Variants in IL1RAPL2 observed in about 807,000 individuals in gnomAD.
IL1RAPL2 encodes the protein X-linked interleukin-1 receptor accessory protein-like 2.
Under a neutral mutation model 44.1 loss-of-function variants are expected in IL1RAPL2, and 3 were observed. That is an observed-to-expected ratio of 0.07 (90% CI 0.03 to 0.18). The LOEUF (loss-of-function observed/expected upper bound fraction) is 0.18. Ranked by LOEUF, IL1RAPL2 falls within the 10% of genes least tolerant of loss-of-function variation. The pLI is 1.00. For missense variants in IL1RAPL2, 391 were observed against 496.4 expected (o/e 0.79, Z 2.02); for synonymous variants, 181 against 178.8 (o/e 1.01, Z -0.10).
intron 2 of IL1RAPL2, among the ~76,000 whole-genome samples, chrX:104,774,647 C>T (rs1325574471): frequency 8.9e-6 from 1 of 112,022 alleles, no homozygotes; most frequent in Non-Finnish European, 1.9e-5. Flanking sequence ...GATCTCTATC[C>T]TCAAGGAGGG....
At position 105,363,562 on chromosome X, in the gene IL1RAPL2, A is replaced by G. The variant is rs2035270393; in HGVS notation, c.697+96021A>G. ...GCTGTAATAATTTACATTCCCACCAACAGTATAAAAGGGTTCTTTTTTCTC... is the reference window on the plus strand; with the variant it reads ...GCTGTAATAATTTACATTCCCACCAGCAGTATAAAAGGGTTCTTTTTTCTC... On this transcript the variant is annotated intron_variant, in intron 5 of 10. Coordinates refer to ENST00000372582, the MANE Select transcript of IL1RAPL2 (RefSeq NM_017416.2). Among the ~76,000 whole-genome samples the G allele has an allele frequency of 4.6e-5, 5 of 107,915 alleles. No homozygotes were observed. In the South Asian group the frequency reaches 2.0e-3, roughly 43 times the overall value. The allele number at this position is 107,915 out of a possible 115,157, so 93.7% of individuals were successfully genotyped here.
At chrX:105,693,925 A>C (rs2147533386) in intron 6 of IL1RAPL2, among the ~76,000 whole-genome samples, 1 of 112,304 alleles carries the variant, frequency 8.9e-6, no homozygotes, top group East Asian at 2.8e-4. Context: ...GGAGGAAAGC[A>C]GCCCTCATGA....
intron 5 of IL1RAPL2, among the ~76,000 whole-genome samples, chrX:105,443,285 G>C (rs1007447017): frequency 2.7e-5 from 3 of 111,387 alleles, no homozygotes; most frequent in African/African-American, 9.8e-5. Flanking sequence ...CAAGCAATTT[G>C]TTATAATCAC....
chrX:105,576,891 C>T (rs1602474181), intron 6 of IL1RAPL2, among the ~76,000 whole-genome samples: 1 of 111,591 alleles, frequency 9.0e-6, no homozygotes, highest in Admixed American at 9.5e-5. Flanking sequence ...GTTGAAAAAT[C>T]ACCATAAAGT....
At chrX:104,881,036 AT>A (rs1162672153) in intron 2 of IL1RAPL2, among the ~76,000 whole-genome samples, 3 of 111,624 alleles carry the variant, frequency 2.7e-5, no homozygotes, top group Non-Finnish European at 3.8e-5. Flanking sequence ...GCAGTTTAAT[AT>A]TTTTTTAAGC....
At chrX:105,265,794 A>G (rs1326154676) in intron 4 of IL1RAPL2, among the ~76,000 whole-genome samples, 2 of 111,463 alleles carry the variant, frequency 1.8e-5, no homozygotes, top group Non-Finnish European at 3.8e-5. Context: ...ACACACACAC[A>G]CGTACACACA....
intron 2 of IL1RAPL2, among the ~76,000 whole-genome samples, chrX:104,872,236 G>C (rs1380754230): frequency 8.9e-6 from 1 of 112,014 alleles, no homozygotes; most frequent in Non-Finnish European, 1.9e-5. Context: ...GAAGGACCTG[G>C]ACTCTAAACA....
At chrX:104,865,100 GTTA>G (rs1272404523) in intron 2 of IL1RAPL2, among the ~76,000 whole-genome samples, 2 of 111,337 alleles carry the variant, frequency 1.8e-5, no homozygotes, top group Non-Finnish European at 3.8e-5. Flanking sequence ...TAGGGTGACA[GTTA>G]TTATGGTGGG....
chrX:105,144,106 T>TGC (rs1490895377), intron 2 of IL1RAPL2, among the ~76,000 whole-genome samples: 1 of 101,593 alleles, frequency 9.8e-6, no homozygotes, highest in Non-Finnish European at 2.0e-5. Context: ...TGTGTGTGTG[T>TGC]GTGTGTGTGT....
chrX:104,885,832 C>T (rs900714189), intron 2 of IL1RAPL2, among the ~76,000 whole-genome samples: 6 of 112,845 alleles, frequency 5.3e-5, no homozygotes, highest in Non-Finnish European at 1.1e-4. Flanking sequence ...AAACAAGCCA[C>T]CCTCTCATCC....
At chrX:104,648,126 T>C in intron 1 of IL1RAPL2, 2 of 384,817 alleles carry the variant, frequency 5.2e-6, no homozygotes, top group South Asian at 7.0e-5. Flanking sequence ...CAGGCATGCA[T>C]ACATACATAG....
chrX:104,635,678 T>C (rs1413139911), intron 1 of IL1RAPL2, among the ~76,000 whole-genome samples: 3 of 112,114 alleles, frequency 2.7e-5, no homozygotes, highest in Non-Finnish European at 5.6e-5. Context: ...TCTCGTTCCG[T>C]GGTTTTCAGC....
At chrX:105,493,886 G>A (rs897291406) in intron 6 of IL1RAPL2, among the ~76,000 whole-genome samples, 1 of 111,653 alleles carries the variant, frequency 9.0e-6, no homozygotes, top group Non-Finnish European at 1.9e-5. Flanking sequence ...TGTAACTCAA[G>A]CCACAACTCC....
intron 10 of IL1RAPL2, among the ~76,000 whole-genome samples, chrX:105,762,154 G>A (rs936620275): frequency 2.7e-5 from 3 of 111,609 alleles, no homozygotes; most frequent in Non-Finnish European, 5.6e-5. Context: ...TTTTTCCTTC[G>A]TTAATGAATG....
At chrX:105,703,216 C>A (rs2038134742) in intron 6 of IL1RAPL2, among the ~76,000 whole-genome samples, 1 of 111,296 alleles carries the variant, frequency 9.0e-6, no homozygotes, top group African/African-American at 3.3e-5. Context: ...GTCTATACCA[C>A]CAGATGCCCA....
chrX:105,043,134 C>T (rs1430105065), intron 2 of IL1RAPL2, among the ~76,000 whole-genome samples: 4 of 106,557 alleles, frequency 3.8e-5, no homozygotes, highest in Non-Finnish European at 7.7e-5. Context: ...TGCTAGATGA[C>T]GAGTTAGTGG....
chrX:104,688,502 A>G (rs1322955100), intron 2 of IL1RAPL2, among the ~76,000 whole-genome samples: 2 of 111,423 alleles, frequency 1.8e-5, no homozygotes, highest in African/African-American at 6.5e-5. Flanking sequence ...CTACACCCCC[A>G]ACGCTTAATG....
At chrX:105,670,746 T>C (rs2037817464) in intron 6 of IL1RAPL2, among the ~76,000 whole-genome samples, 1 of 110,032 alleles carries the variant, frequency 9.1e-6, no homozygotes, top group Non-Finnish European at 1.9e-5. Flanking sequence ...ATTTAGATCC[T>C]TTATGATTCA....
rs1001987723 is a variant in IL1RAPL2, at chrX:104,889,689, C to A, written c.82+230694C>A. On this transcript the variant is annotated intron_variant, in intron 2 of 10. Coordinates refer to ENST00000372582, the MANE Select transcript of IL1RAPL2 (RefSeq NM_017416.2). ...TTAGGAATGGCTACTGCTACAGGAACCGGAATAGCCAGTTTATCTACTTCA... is the reference window on the plus strand; with the variant it reads ...TTAGGAATGGCTACTGCTACAGGAAACGGAATAGCCAGTTTATCTACTTCA... Among the ~76,000 whole-genome samples, 19 of 111,651 alleles carry A rather than the reference C, an allele frequency of 1.7e-4. No homozygotes were observed. In the Admixed American group the frequency reaches 1.8e-3, roughly 11 times the overall value.
Sources: gnomAD v4.1 joint callset for allele counts (sites outside exome capture counted in the v4.1 genomes callset) on GRCh38, gnomAD v4.1.1 for gene constraint, MANE v1.5 for transcripts, NCBI Gene and HGNC (gene_info 2026-07-23, HGNC 2026-07-21) for gene names.